ZNF286A: variants seen among roughly 807,000 people sequenced by gnomAD.
ZNF286A encodes the protein zinc finger protein 286A.
A neutral mutation model predicts 49.3 loss-of-function variants in ZNF286A; 34 were observed. That is an observed-to-expected ratio of 0.69 (90% CI 0.52 to 0.92). ZNF286A has a LOEUF of 0.92. Ranked by LOEUF, ZNF286A falls within the 40% of genes least tolerant of loss-of-function variation. ZNF286A has a pLI of 0.00. For missense variants in ZNF286A, 462 were observed against 600.2 expected (o/e 0.77, Z 2.41); for synonymous variants, 155 against 200.4 (o/e 0.77, Z 1.91).
intron 3 of ZNF286A, among the ~76,000 whole-genome samples, chr17:15,702,415 T>C (rs1989850836): frequency 1.3e-5 from 2 of 150,216 alleles, no homozygotes; most frequent in Non-Finnish European, 2.9e-5. Context: ...CTCCGGAGAC[T>C]GAGGCATGAG....
intron 5 of ZNF286A, 157 bp from the exon 6 acceptor site, chr17:15,715,902 C>T: frequency 6.7e-7 from 1 of 1,493,092 alleles, no homozygotes; most frequent in Non-Finnish European, 8.9e-7. Context: ...CATTTGTTTC[C>T]CTCCATTTGT....
chr17:15,709,567 A>C (rs1463177200), intron 5 of ZNF286A, among the ~76,000 whole-genome samples: 1 of 152,058 alleles, frequency 6.6e-6, no homozygotes, highest in Non-Finnish European at 1.5e-5. Flanking sequence ...TATATCTTGA[A>C]ATTGGTGTGA....
At chr17:15,706,120 A>T (rs1990209147) in intron 3 of ZNF286A, among the ~76,000 whole-genome samples, 1 of 152,218 alleles carries the variant, frequency 6.6e-6, no homozygotes, top group African/African-American at 2.4e-5. Context: ...TTTATTCCCC[A>T]GAAAAATTGT....
At chr17:15,704,770 T>C in intron 3 of ZNF286A, 1 of 1,613,988 alleles carries the variant, frequency 6.2e-7, no homozygotes, top group Non-Finnish European at 8.5e-7. Flanking sequence ...GATGGTGACC[T>C]GGAGGTCGGT....
chr17:15,710,817 G>A (rs1218170082), intron 5 of ZNF286A, among the ~76,000 whole-genome samples: 1 of 152,084 alleles, frequency 6.6e-6, no homozygotes, highest in African/African-American at 2.4e-5. Context: ...GATCTGTTAA[G>A]AGGTCCTTAT....
At chr17:15,712,719 T>G (rs1388636341) in intron 5 of ZNF286A, among the ~76,000 whole-genome samples, 1 of 152,192 alleles carries the variant, frequency 6.6e-6, no homozygotes, top group Non-Finnish European at 1.5e-5. Context: ...TGATTCCGCC[T>G]TTGCCCTCAT....
intron 5 of ZNF286A, among the ~76,000 whole-genome samples, chr17:15,708,934 A>G (rs28891199): frequency 0.023 from 3,471 of 152,290 alleles, 131 homozygotes; most frequent in African/African-American, 0.08. Context: ...GAACAAATAT[A>G]TGCATTTCTT....
At chr17:15,705,178 A>G (rs1449960987) in intron 3 of ZNF286A, among the ~76,000 whole-genome samples, 1 of 152,200 alleles carries the variant, frequency 6.6e-6, no homozygotes, top group Non-Finnish European at 1.5e-5. Flanking sequence ...AAGTGTTGCA[A>G]ATAGCACAAA....
Position 15,716,733 on chromosome 17 carries a change from C to T in ZNF286A, c.1009C>T (p.Arg337Ter), listed in dbSNP as rs983215442. ...CAATGAATGTGGGAAAGGTTTTAAT[C>T]GAAGTACACATCTTGTGCAGCATCA... is the stretch of plus-strand genomic sequence containing the variant. ...ECNECGKGFN[R>*]STHLVQHQLI... Residue 337 changes from arginine to a stop codon, truncating the protein, a stop_gained, in exon 6 of 6, where the codon CGA becomes TGA. Coordinates refer to ENST00000583566, the MANE Select transcript of ZNF286A (RefSeq NM_001130842.2). LOFTEE classifies it high-confidence loss of function. 9 of 1,613,786 alleles carry T rather than the reference C, an allele frequency of 5.6e-6. No homozygotes were observed. The highest frequency in any genetic ancestry group is 4.0e-5 in the African/African-American group (3 of 74,938).
chr17:15,707,968 T>C (rs1990362189), intron 4 of ZNF286A, among the ~76,000 whole-genome samples, 187 bp from the exon 5 acceptor site: 1 of 152,076 alleles, frequency 6.6e-6, no homozygotes, highest in Admixed American at 6.6e-5. Flanking sequence ...CTGGGCAATA[T>C]AGTGAGATCC....
chr17:15,703,953 G>A (rs1291028047), intron 3 of ZNF286A, among the ~76,000 whole-genome samples: 2 of 152,014 alleles, frequency 1.3e-5, no homozygotes, highest in Non-Finnish European at 1.5e-5. Context: ...TGTATATGCA[G>A]ATTCTAGGCT....
chr17:15,701,930 T>G (rs925752194), intron 3 of ZNF286A, among the ~76,000 whole-genome samples: 2 of 151,690 alleles, frequency 1.3e-5, no homozygotes, highest in Non-Finnish European at 2.9e-5. Flanking sequence ...AGACCATCCT[T>G]GCTAACACGG....
At chr17:15,711,672 T>C (rs1990656946) in intron 5 of ZNF286A, among the ~76,000 whole-genome samples, 1 of 152,308 alleles carries the variant, frequency 6.6e-6, no homozygotes, top group East Asian at 1.9e-4. Context: ...CCATTCGATC[T>C]TCCACAGTAG....
chr17:15,708,380 A>G, intron 5 of ZNF286A, 133 bp downstream of exon 5: 1 of 548,936 alleles, frequency 1.8e-6, no homozygotes, highest in Non-Finnish European at 2.9e-6. Context: ...CATTTAAAAT[A>G]TATACAGAAG....
chr17:15,701,833 G>A lies in ZNF286A; in HGVS notation c.126+593G>A, dbSNP rs1421379154. On this transcript the variant is annotated intron_variant, in intron 3 of 5. Coordinates refer to ENST00000583566, the MANE Select transcript of ZNF286A (RefSeq NM_001130842.2). Reference sequence around the variant, plus strand: ...AAAAGGTAAATATGACAAATATTACGAATGTTTGGCTGGGCGTGGTGGCTC... The same window carrying A: ...AAAAGGTAAATATGACAAATATTACAAATGTTTGGCTGGGCGTGGTGGCTC... Among the ~76,000 whole-genome samples the A allele has an allele frequency of 3.9e-5, 6 of 152,244 alleles. No individual in the cohort carries two copies. The South Asian group carries it at 6.2e-4, about 16-fold the overall frequency.
At position 15,701,192 on chromosome 17, in the gene ZNF286A, C is replaced by T; in HGVS notation, c.78C>T (p.Ser26=). 6.2e-7 allele frequency: 1 copy of T among 1,614,108 alleles called. No individual in the cohort carries two copies. The highest frequency in any genetic ancestry group is 1.1e-5 in the South Asian group (1 of 91,086). Reference sequence around the variant, plus strand: ...ATTCTCCCCATTTCCAAGAGAAGAGCACAGAAGAGGGAGAAGTGGCTGCTC... The same window carrying T: ...ATTCTCCCCATTTCCAAGAGAAGAGTACAGAAGAGGGAGAAGTGGCTGCTC... ...SQDSPHFQEK[S]TEEGEVAALR... The change falls in exon 3 of 6, where the codon AGC becomes AGT. Residue 26 remains serine (S), a synonymous_variant. Coordinates refer to ENST00000583566, the MANE Select transcript of ZNF286A (RefSeq NM_001130842.2).
chr17:15,709,886 A>G (rs1376252822), intron 5 of ZNF286A: 4 of 1,543,448 alleles, frequency 2.6e-6, no homozygotes, highest in Non-Finnish European at 3.5e-6. Context: ...AGATAACTGG[A>G]AGAAGAATTA....
intron 5 of ZNF286A, among the ~76,000 whole-genome samples, chr17:15,710,990 C>T (rs139779377): frequency 0.021 from 3,198 of 151,664 alleles, 58 homozygotes; most frequent in Non-Finnish European, 0.032. Flanking sequence ...TGGCTCACTG[C>T]GGCCTCCACC....
rs1967061516 is a variant in ZNF286A, at chr17:15,716,466, T to C, written c.742T>C (p.Cys248Arg). 6.2e-7 allele frequency: 1 copy of C among 1,613,836 alleles called. No homozygotes were observed. The highest frequency in any genetic ancestry group is 8.5e-7 in the Non-Finnish European group (1 of 1,179,940). ...GAAAAAACCTCATAAATGTAATGAT[T>C]GTGGTGAACTCTTCACCTACCATTC... is the stretch of plus-strand genomic sequence containing the variant. ...KEKKPHKCNDCGELFTYHSVL... is the reference protein window; with the variant it reads ...KEKKPHKCNDRGELFTYHSVL... The change falls in exon 6 of 6, where the codon TGT becomes CGT. Residue 248 changes from cysteine (C) to arginine (R), a missense_variant. Around this residue, in one of 3 missense-constraint regions of ZNF286A, gnomAD observed 259 missense variants for 272.2 expected, o/e 0.95. Transcript: ENST00000583566.
Sources: gnomAD v4.1 joint callset for allele counts (sites outside exome capture counted in the v4.1 genomes callset) on GRCh38, gnomAD v4.1.1 for gene constraint, gnomAD v4.1.1 regional missense constraint, MANE v1.5 for transcripts, NCBI Gene and HGNC (gene_info 2026-07-23, HGNC 2026-07-21) for gene names.